Variants in ANO1 observed in about 807,000 individuals in gnomAD.
The protein encoded by ANO1 is anoctamin-1.
In ANO1, 59 loss-of-function variants were observed where a neutral mutation model predicts 124.0. That is an observed-to-expected ratio of 0.48 (90% CI 0.39 to 0.59). ANO1 has a LOEUF of 0.59. Among genes scored for constraint, ANO1 ranks in the 20% least tolerant of loss-of-function variants. The pLI, the probability that ANO1 is intolerant of heterozygous loss-of-function variation, is 0.00. For missense variants in ANO1, 1,059 were observed against 1,328.0 expected (o/e 0.80, Z 3.15); for synonymous variants, 529 against 532.0 (o/e 0.99, Z 0.08).
intron 10 of ANO1, among the ~76,000 whole-genome samples, chr11:70,129,951 C>T (rs2046679135): frequency 1.3e-5 from 2 of 152,284 alleles, no homozygotes; most frequent in Admixed American, 6.5e-5. Flanking sequence ...TGTTTAGGGA[C>T]TGTACCTGAA....
At chr11:70,012,201 T>C (rs1565160190) in intron 1 of ANO1, among the ~76,000 whole-genome samples, 1 of 152,014 alleles carries the variant, frequency 6.6e-6, no homozygotes, top group African/African-American at 2.4e-5. Flanking sequence ...TATCTATCTA[T>C]CCATTCATCC....
intron 1 of ANO1, among the ~76,000 whole-genome samples, chr11:70,079,991 C>T (rs2509123): frequency 0.21 from 32,673 of 152,154 alleles, 3,805 homozygotes; most frequent in South Asian, 0.35. Context: ...CAGGACTGGC[C>T]GGAGGAGCTC....
chr11:69,997,850 C>A (rs1189982435), intron 1 of ANO1, among the ~76,000 whole-genome samples: 1 of 152,188 alleles, frequency 6.6e-6, no homozygotes, highest in South Asian at 2.1e-4. Context: ...CTTTGCCTTC[C>A]GCCGTGAGTA....
intron 1 of ANO1, among the ~76,000 whole-genome samples, chr11:70,083,617 T>C (rs1369941249): frequency 6.6e-6 from 1 of 152,164 alleles, no homozygotes; most frequent in Non-Finnish European, 1.5e-5. Context: ...CACTCCTTAG[T>C]GTAATTTCCC....
chr11:70,104,965 C>A (rs933234066), intron 4 of ANO1, among the ~76,000 whole-genome samples: 2 of 152,118 alleles, frequency 1.3e-5, no homozygotes, highest in Non-Finnish European at 2.9e-5. Context: ...ATTCCTAGAG[C>A]GGACAGGACA....
chr11:70,105,166 G>A (rs2045464732), intron 4 of ANO1, among the ~76,000 whole-genome samples: 1 of 152,088 alleles, frequency 6.6e-6, no homozygotes, highest in Non-Finnish European at 1.5e-5. Flanking sequence ...CTCCGTGGAG[G>A]TGGAAACTGG....
At position 70,152,334 on chromosome 11, in the gene ANO1, CAAAAAAA is replaced by C. The variant is rs56895585; in HGVS notation, c.1342-99_1342-93del. On this transcript the variant is annotated intron_variant, in intron 12 of 25. Transcript: ENST00000355303. ...TGCTCAATAGAGCAAGACTCCATCT[CAAAAAAA>C]AAAAAAAAAAAAAAAAGTTGTCCTT... 82 of 439,338 alleles carry C rather than the reference CAAAAAAA, an allele frequency of 1.9e-4. No individual in the cohort carries two copies. The African/African-American group carries it at 2.4e-3, about 13-fold the overall frequency. The allele number at this position is 439,338 out of a possible 1,614,324, so 27.2% of individuals were successfully genotyped here. A position where few individuals can be genotyped will look rare whatever the true frequency, so the allele number is the denominator to read the frequency against.
chr11:70,093,172 A>G (rs1295415461), intron 2 of ANO1, among the ~76,000 whole-genome samples: 1 of 130,318 alleles, frequency 7.7e-6, no homozygotes, highest in Non-Finnish European at 1.6e-5. Flanking sequence ...CTCCCTCTCT[A>G]TCATTCCCTT....
chr11:69,986,523 G>A (rs1554996896), intron 1 of ANO1, among the ~76,000 whole-genome samples: 1 of 152,190 alleles, frequency 6.6e-6, no homozygotes. Context: ...CCGGGGGAGC[G>A]TCTTGCAGCG....
chr11:70,078,996 C>T (rs7112855), intron 1 of ANO1, among the ~76,000 whole-genome samples: 32,727 of 151,984 alleles, frequency 0.22, 3,822 homozygotes, highest in South Asian at 0.35. Flanking sequence ...CGGAGCTCTG[C>T]GGCCCCGAAG....
At chr11:70,187,642 G>C in intron 25 of ANO1, 96 bp from the exon 26 acceptor site, 1 of 1,438,970 alleles carries the variant, frequency 6.9e-7, no homozygotes, top group South Asian at 1.4e-5. Context: ...GGAGGTGGTG[G>C]GGTGGCACTC....
intron 20 of ANO1, 33 bp from the exon 21 acceptor site, chr11:70,167,209 G>T (rs749329721): frequency 1.2e-6 from 2 of 1,610,856 alleles, no homozygotes; most frequent in Non-Finnish European, 1.7e-6. Flanking sequence ...TCACCCTCCT[G>T]CAAACCTAAC....
chr11:69,985,512 A>G (rs1389769318), upstream of ANO1, among the ~76,000 whole-genome samples: 2 of 151,794 alleles, frequency 1.3e-5, no homozygotes, highest in Non-Finnish European at 2.9e-5. Context: ...CGCTCTTCTG[A>G]TGCGGGAACC....
At chr11:70,072,975 G>A (rs1555009523) in intron 1 of ANO1, 4 of 152,270 alleles carry the variant, frequency 2.6e-5, no homozygotes, top group African/African-American at 9.6e-5. Flanking sequence ...CAGGGGCTCA[G>A]AGGAAGCCAT....
At chr11:70,054,105 C>T (rs1195915739) in intron 1 of ANO1, among the ~76,000 whole-genome samples, 1 of 152,212 alleles carries the variant, frequency 6.6e-6, no homozygotes, top group African/African-American at 2.4e-5. Flanking sequence ...CCCTCAGACC[C>T]AGGCAAGAGG....
chr11:70,126,815 A>G (rs1381307474), intron 10 of ANO1, among the ~76,000 whole-genome samples: 20 of 127,698 alleles, frequency 1.6e-4, no homozygotes, highest in South Asian at 2.8e-4. Context: ...AGGCCTCGGT[A>G]CAGGCTGGTG....
At chr11:70,130,970 C>T (rs778100375) in intron 10 of ANO1, among the ~76,000 whole-genome samples, 3 of 152,220 alleles carry the variant, frequency 2.0e-5, no homozygotes, top group African/African-American at 2.4e-5. Flanking sequence ...CTGTGTGAAC[C>T]GCTCATAGAC....
chr11:70,070,483 G>A (rs1565173682), intron 1 of ANO1, among the ~76,000 whole-genome samples: 1 of 152,164 alleles, frequency 6.6e-6, no homozygotes, highest in African/African-American at 2.4e-5. Context: ...AGGAGTTCAA[G>A]ACCAGCCTGA....
chr11:70,077,783 C>G (rs1346502458), upstream of ANO1, among the ~76,000 whole-genome samples: 1 of 152,206 alleles, frequency 6.6e-6, no homozygotes, highest in Non-Finnish European at 1.5e-5. Flanking sequence ...ACATCAGGGA[C>G]GCTGCACGCA....
Sources: gnomAD v4.1 joint callset for allele counts (sites outside exome capture counted in the v4.1 genomes callset) on GRCh38, gnomAD v4.1.1 for gene constraint, MANE v1.5 for transcripts, NCBI Gene and HGNC (gene_info 2026-07-23, HGNC 2026-07-21) for gene names.